The following GPT2 variants were observed in gnomAD, a reference collection of about 807,000 sequenced individuals.
GPT2 encodes the protein glutamic--pyruvic transaminase 2.
GPT2 carries 30 observed loss-of-function variants against 56.9 expected under a neutral mutation model. The ratio of observed to expected loss-of-function variants is 0.53; its 90% CI spans 0.39 to 0.72. GPT2 has a LOEUF of 0.72. Among genes scored for constraint, GPT2 ranks in the 30% least tolerant of loss-of-function variants. GPT2 has a pLI of 0.00. For missense variants in GPT2, 542 were observed against 703.4 expected, an observed-to-expected ratio of 0.77 and a Z score of 2.60; for synonymous variants, 271 against 283.1, an observed-to-expected ratio of 0.96 and a Z score of 0.43.
At chr16:46,891,235 A>G (rs189547541) in intron 2 of GPT2, among the ~76,000 whole-genome samples, 5 of 146,916 alleles carry the variant, frequency 3.4e-5, no homozygotes, top group African/African-American at 1.3e-4. Flanking sequence ...TAACTTATTC[A>G]TATTTTTTTA....
At chr16:46,925,414 G>A (rs1309361123) in intron 10 of GPT2, among the ~76,000 whole-genome samples, 2 of 151,946 alleles carry the variant, frequency 1.3e-5, no homozygotes, top group Non-Finnish European at 2.9e-5. Flanking sequence ...GTAGAGACGG[G>A]GTTTCACCGT....
chr16:46,906,435 A>G (rs935745953), intron 4 of GPT2, among the ~76,000 whole-genome samples: 1 of 152,226 alleles, frequency 6.6e-6, no homozygotes, highest in Non-Finnish European at 1.5e-5. Context: ...CAACCATGGT[A>G]AAGGCATGGG....
At chr16:46,927,763 C>T (rs1396983133) in intron 11 of GPT2, among the ~76,000 whole-genome samples, 3 of 151,888 alleles carry the variant, frequency 2.0e-5, no homozygotes, top group African/African-American at 7.3e-5. Context: ...GTTGGCCTTC[C>T]CACCCCTGGT....
intron 4 of GPT2, among the ~76,000 whole-genome samples, chr16:46,903,665 A>G (rs1005576639): frequency 3.3e-5 from 5 of 152,190 alleles, no homozygotes; most frequent in South Asian, 2.1e-4. Context: ...CTGGATCTCA[A>G]TGGGGTTGAG....
At position 46,926,978 on chromosome 16, in the gene GPT2, T is replaced by G. The variant is rs777371984; in HGVS notation, c.1422T>G (p.Thr474=). The part of the protein sequence containing the change: ...MFYCMKLLEE[T]GICVVPGSGF... ...ACTGCATGAAGCTCCTGGAGGAGAC[T>G]GGCATCTGTGTCGTGCCCGGCAGTG... Residue 474 remains threonine, a synonymous_variant, in exon 11 of 12, where the codon ACT becomes ACG. Transcript: ENST00000340124. The G allele has an allele frequency of 1.7e-5, 27 of 1,609,882 alleles. No homozygotes were observed. The South Asian group carries it at 3.0e-4, about 18-fold the overall frequency.
chr16:46,913,970 G>C (rs540350244), intron 6 of GPT2, among the ~76,000 whole-genome samples: 101 of 152,250 alleles, frequency 6.6e-4, no homozygotes, highest in Non-Finnish European at 1.1e-3. Context: ...AGAAACATAT[G>C]TACACACACT....
intron 4 of GPT2, 71 bp downstream of exon 4, chr16:46,900,861 C>T (rs773598412): frequency 1.5e-5 from 19 of 1,287,862 alleles, no homozygotes; most frequent in Admixed American, 7.1e-5. Flanking sequence ...CAGCCTCAAG[C>T]GGAGGGTCCT....
chr16:46,924,353 G>T, intron 9 of GPT2, 36 bp from the exon 10 acceptor site: 1 of 1,612,050 alleles, frequency 6.2e-7, no homozygotes. Flanking sequence ...TTTATCCAGA[G>T]ATACTGACTG....
rs374964928 is a variant in GPT2 at position 46,902,454 on chromosome 16, C to T, written c.442+1664C>T. Among the ~76,000 whole-genome samples the T allele has an allele frequency of 1.3e-4, 20 of 152,266 alleles. No individual in the cohort carries two copies. The South Asian group carries it at 3.3e-3, about 25-fold the overall frequency. On this transcript the variant is annotated intron_variant, in intron 4 of 11. Transcript: ENST00000340124. ...GGGGGCAGGACAGTGTGGTCCTTCG[C>T]GTGACAGGGACATAGTGGTGTCGCT...
rs1961366655 is a variant in GPT2 at position 46,924,653 on chromosome 16, G to A, written c.1368+109G>A. ...CAGAAGTGCTGGCCCTGGAGGCTCG[G>A]AACTGTATGCACCTCTCGGCCAGAG... On this transcript the variant is annotated intron_variant, in intron 10 of 11. Coordinates refer to ENST00000340124, the MANE Select transcript of GPT2 (RefSeq NM_133443.4). The A allele has an allele frequency of 1.7e-6, 2 of 1,146,196 alleles. 1 individual carries two copies. The highest frequency in any genetic ancestry group is 2.8e-5 in the South Asian group (2 of 70,728). The allele number at this position is 1,146,196 out of a possible 1,614,324, so 71.0% of individuals were successfully genotyped here.
At position 46,900,878 on chromosome 16, in the gene GPT2, G is replaced by T. The variant is rs900053335; in HGVS notation, c.442+88G>T. The T allele has an allele frequency of 4.9e-6, 5 of 1,025,700 alleles. No homozygotes were observed. In the African/African-American group the frequency reaches 6.3e-5, roughly 13 times the overall value. 63.5% of individuals were successfully genotyped at this position (1,025,700 alleles called of 1,614,324 possible). On this transcript the variant is annotated intron_variant, in intron 4 of 11. Transcript: ENST00000340124. The stretch of plus-strand genomic sequence containing the variant: ...GCCTCAAGCGGAGGGTCCTGCATGC[G>T]AATGGGTGTGTGAACGTGTGTGGGT...
At chr16:46,904,268 C>T (rs1960877871) in intron 4 of GPT2, among the ~76,000 whole-genome samples, 2 of 152,078 alleles carry the variant, frequency 1.3e-5, no homozygotes, top group Non-Finnish European at 2.9e-5. Flanking sequence ...CTGGAGGGGC[C>T]AGCACAGTGG....
At chr16:46,900,234 G>C (rs982601722) in intron 3 of GPT2, among the ~76,000 whole-genome samples, 6 of 152,076 alleles carry the variant, frequency 3.9e-5, no homozygotes, top group Non-Finnish European at 7.4e-5. Context: ...GGGAGGAAAG[G>C]GGGTGATGAG....
chr16:46,891,064 G>A (rs1960575430), intron 2 of GPT2, among the ~76,000 whole-genome samples: 1 of 151,712 alleles, frequency 6.6e-6, no homozygotes, highest in Non-Finnish European at 1.5e-5. Flanking sequence ...GTAGAGATGG[G>A]GTTTCTCCAT....
At chr16:46,903,966 G>C (rs1356180460) in intron 4 of GPT2, among the ~76,000 whole-genome samples, 2 of 152,210 alleles carry the variant, frequency 1.3e-5, no homozygotes, top group Non-Finnish European at 1.5e-5. Context: ...TCACGCTCAT[G>C]GGGAGGATGA....
At position 46,921,230 on chromosome 16, in the gene GPT2, G is replaced by A. The variant is rs907092104; in HGVS notation, c.1038-1012G>A. ...GGAGCCCAGGCTGGAGTGCAGAGGC[G>A]CGATCTTAGTTCACTGCAACCTCTG... On this transcript the variant is annotated intron_variant, in intron 8 of 11. Transcript: ENST00000340124. Among the ~76,000 whole-genome samples, 7 of 152,210 alleles carry A rather than the reference G, an allele frequency of 4.6e-5. No homozygotes were observed. In the South Asian group the frequency reaches 8.3e-4, roughly 18 times the overall value.
rs1961483311 is a variant in GPT2, at chr16:46,929,317, G to A, written c.*320G>A. 3.1e-6 allele frequency: 1 copy of A among 318,538 alleles called. No homozygotes were observed. The highest frequency in any genetic ancestry group is 2.1e-5 in the African/African-American group (1 of 47,920). The allele number at this position is 318,538 out of a possible 1,614,324, so 19.7% of individuals were successfully genotyped here. A position where few individuals can be genotyped will look rare whatever the true frequency, so the allele number is the denominator to read the frequency against. On this transcript the variant is annotated 3_prime_UTR_variant, in exon 12 of 12. Coordinates refer to ENST00000340124, the MANE Select transcript of GPT2 (RefSeq NM_133443.4). Reference sequence around the variant, plus strand: ...ACAACAACTAGGATGTGTTGGGTGAGATGTTTCAGATCTGGAGAAATGAGC... The same window carrying A: ...ACAACAACTAGGATGTGTTGGGTGAAATGTTTCAGATCTGGAGAAATGAGC...
chr16:46,926,778 C>T (rs889001468), intron 10 of GPT2, 147 bp from the exon 11 acceptor site: 14 of 472,578 alleles, frequency 3.0e-5, no homozygotes, highest in East Asian at 1.7e-4. Flanking sequence ...AGTATCCCAG[C>T]GTCTGGCCCT....
At chr16:46,904,006 G>T (rs977085181) in intron 4 of GPT2, among the ~76,000 whole-genome samples, 1 of 152,202 alleles carries the variant, frequency 6.6e-6, no homozygotes, top group African/African-American at 2.4e-5. Flanking sequence ...TGCCGGACCA[G>T]CGAACAGTGT....
Sources: allele counts gnomAD v4.1 joint callset (sites outside exome capture counted in the v4.1 genomes callset), GRCh38; gene constraint gnomAD v4.1.1; transcripts MANE v1.5; gene names NCBI Gene and HGNC (gene_info 2026-07-23, HGNC 2026-07-21).